The following GRIP1 variants were observed in gnomAD, a reference collection of about 807,000 sequenced individuals.
GRIP1 encodes the protein glutamate receptor interacting protein 1.
A neutral mutation model predicts 129.9 loss-of-function variants in GRIP1; 45 were observed. That is an observed-to-expected ratio of 0.35 (90% CI 0.27 to 0.44). The LOEUF is 0.44. GRIP1 is among the 20% of genes least tolerant of loss of function. The probability of loss-of-function intolerance (pLI) is 1.00; values close to 1 mark genes in which losing one functional copy is unlikely to be tolerated. For missense variants in GRIP1, 1,196 were observed against 1,396.8 expected (o/e 0.86, Z 2.29); for synonymous variants, 530 against 520.8 (o/e 1.02, Z -0.24).
At chr12:66,464,954 CT>C (rs62769560) in intron 8 of GRIP1, among the ~76,000 whole-genome samples, 160 of 93,470 alleles carry the variant, frequency 1.7e-3, no homozygotes, top group Non-Finnish European at 1.8e-3. Flanking sequence ...TTCTTTCTTT[CT>C]TTTTTTTTTT....
At chr12:66,608,933 A>AATTATTATTATT (rs150512388) in intron 1 of GRIP1, among the ~76,000 whole-genome samples, 2,263 of 145,506 alleles carry the variant, frequency 0.016, 39 homozygotes, top group African/African-American at 0.034. Context: ...ACATGAAACA[A>AATTATTATTATT]ATTATTATTA....
chr12:66,484,995 C>T (rs2059913743), intron 7 of GRIP1, among the ~76,000 whole-genome samples: 6 of 152,114 alleles, frequency 3.9e-5, no homozygotes, highest in Admixed American at 3.9e-4. Flanking sequence ...TATGAACATT[C>T]TAGTTGTCTT....
intron 5 of GRIP1, among the ~76,000 whole-genome samples, chr12:66,526,776 C>G (rs2061256829): frequency 6.6e-6 from 1 of 152,060 alleles, no homozygotes; most frequent in South Asian, 2.1e-4. Context: ...TTGCAATCTA[C>G]TCATCTGACA....
intron 1 of GRIP1, among the ~76,000 whole-genome samples, chr12:67,063,381 A>G (rs1211730414): frequency 2.0e-5 from 3 of 152,220 alleles, no homozygotes; most frequent in East Asian, 1.9e-4. Context: ...GAAGAACACT[A>G]ATTTTCCCAT....
At chr12:67,067,839 A>G (rs1280784780) in intron 1 of GRIP1, among the ~76,000 whole-genome samples, 1 of 152,106 alleles carries the variant, frequency 6.6e-6, no homozygotes, top group African/African-American at 2.4e-5. Context: ...CCTTCTCCAC[A>G]CACCAGACTG....
chr12:66,729,320 T>C (rs1240330717), intron 1 of GRIP1, among the ~76,000 whole-genome samples: 1 of 152,204 alleles, frequency 6.6e-6, no homozygotes, highest in Non-Finnish European at 1.5e-5. Flanking sequence ...GACATTAATA[T>C]ATGCAGTTTT....
intron 7 of GRIP1, among the ~76,000 whole-genome samples, chr12:66,476,962 C>T (rs372746683): frequency 1.1e-3 from 167 of 152,098 alleles, no homozygotes; most frequent in Middle Eastern, 3.4e-3. Context: ...CTTTGAAAAC[C>T]GGCACAAGAC....
intron 23 of GRIP1, among the ~76,000 whole-genome samples, chr12:66,362,522 G>A (rs1353016426): frequency 1.3e-5 from 2 of 151,868 alleles, no homozygotes; most frequent in African/African-American, 2.4e-5. Context: ...GGAGGAGGAC[G>A]ATAGGACTGT....
At chr12:66,464,981 A>T (rs2059246094) in intron 8 of GRIP1, among the ~76,000 whole-genome samples, 4 of 129,536 alleles carry the variant, frequency 3.1e-5, no homozygotes, top group East Asian at 2.1e-4. Context: ...ATGGAGTTTC[A>T]CTCTTGTTGC....
At chr12:66,478,606 T>C (rs1268592482) in intron 7 of GRIP1, among the ~76,000 whole-genome samples, 1 of 152,128 alleles carries the variant, frequency 6.6e-6, no homozygotes, top group Non-Finnish European at 1.5e-5. Flanking sequence ...GTACTCACAA[T>C]AGCAAAGACT....
intron 24 of GRIP1, among the ~76,000 whole-genome samples, chr12:66,351,803 C>T (rs1267610277): frequency 6.6e-6 from 1 of 152,242 alleles, no homozygotes; most frequent in East Asian, 1.9e-4. Flanking sequence ...TTTGGCTGCT[C>T]ACTGGAATCA....
At chr12:66,441,179 C>T (rs1265328869) in intron 13 of GRIP1, among the ~76,000 whole-genome samples, 2 of 152,226 alleles carry the variant, frequency 1.3e-5, no homozygotes, top group South Asian at 2.1e-4. Flanking sequence ...ACATTTCCTA[C>T]CTTATGTTAC....
At chr12:66,414,338 T>C (rs2057508298) in intron 15 of GRIP1, among the ~76,000 whole-genome samples, 1 of 152,040 alleles carries the variant, frequency 6.6e-6, no homozygotes, top group African/African-American at 2.4e-5. Context: ...AGAACTCCCA[T>C]TCACAATTGC....
intron 1 of GRIP1, among the ~76,000 whole-genome samples, chr12:66,762,604 T>C (rs1014227975): frequency 6.6e-6 from 1 of 152,166 alleles, no homozygotes; most frequent in Admixed American, 6.6e-5. Context: ...CTTCGGTGCA[T>C]AGATGCAAAA....
At chr12:66,746,823 T>C (rs1158505658) in intron 1 of GRIP1, among the ~76,000 whole-genome samples, 3 of 152,246 alleles carry the variant, frequency 2.0e-5, no homozygotes, top group African/African-American at 7.2e-5. Flanking sequence ...CTAATCCAAA[T>C]GGATTTCTAA....
intron 1 of GRIP1, among the ~76,000 whole-genome samples, chr12:66,953,203 G>C (rs1214320700): frequency 6.6e-6 from 1 of 152,176 alleles, no homozygotes; most frequent in Non-Finnish European, 1.5e-5. Context: ...TCTACCATTT[G>C]TCACAAGTGT....
intron 3 of GRIP1, 71 bp downstream of exon 3, chr12:66,541,744 G>C: frequency 6.7e-7 from 1 of 1,503,612 alleles, no homozygotes; most frequent in East Asian, 2.3e-5. Flanking sequence ...GACCACTTTT[G>C]ATGGAGCTTT....
In GRIP1 at chr12:66,415,406, A is replaced by G. The variant is rs552249912; in HGVS notation, c.1838+5314T>C. The stretch of plus-strand genomic sequence containing the variant: ...TGCCAGTCAGGATGGCAATTACGAA[A>G]AAGTCAAGCAACAACAGATGCCGGT... On this transcript the variant is annotated intron_variant, in intron 15 of 24. Coordinates refer to ENST00000359742, the MANE Select transcript of GRIP1 (RefSeq NM_001366722.1). 4.6e-5 allele frequency among the ~76,000 whole-genome samples: 7 copies of G among 152,316 alleles called. No homozygotes were observed. The South Asian group carries it at 1.5e-3, about 32-fold the overall frequency.
At chr12:66,449,233 T>C (rs1316812477) in intron 11 of GRIP1, among the ~76,000 whole-genome samples, 1 of 152,206 alleles carries the variant, frequency 6.6e-6, no homozygotes, top group Non-Finnish European at 1.5e-5. Context: ...ATCTCTGAAA[T>C]CTTAGTGCCT....
Sources: allele counts gnomAD v4.1 joint callset (sites outside exome capture counted in the v4.1 genomes callset), GRCh38; gene constraint gnomAD v4.1.1; transcripts MANE v1.5; gene names NCBI Gene and HGNC (gene_info 2026-07-23, HGNC 2026-07-21).